CALN1: variants seen among roughly 807,000 people sequenced by gnomAD.
CALN1 encodes the protein calcium-binding protein 8.
In CALN1, 17 loss-of-function variants were observed where a neutral mutation model predicts 30.6. The ratio of observed to expected loss-of-function variants is 0.56; its 90% confidence interval spans 0.38 to 0.83. CALN1 has a LOEUF of 0.83. CALN1 is among the 40% of genes least tolerant of loss of function. The pLI, the probability that CALN1 is intolerant of heterozygous loss-of-function variation, is 0.00. For missense variants in CALN1, 291 were observed against 354.9 expected, an observed-to-expected ratio of 0.82 and a Z score of 1.45; for synonymous variants, 156 against 131.4, an observed-to-expected ratio of 1.19 and a Z score of -1.28.
intron 2 of CALN1, among the ~76,000 whole-genome samples, chr7:72,324,669 C>T (rs1231524673): frequency 6.6e-6 from 1 of 151,988 alleles, no homozygotes; most frequent in African/African-American, 2.4e-5. Context: ...GCAACCTCCG[C>T]CTCCCGGGTT....
At chr7:72,496,367 A>C in the CALN1 span, among the ~76,000 whole-genome samples, 13 of 149,068 alleles carry the variant, frequency 8.7e-5, no homozygotes, top group Non-Finnish European at 1.8e-4. Context: ...AATGGGGGAT[A>C]GTTTGTATCA....
intron 5 of CALN1, among the ~76,000 whole-genome samples, chr7:72,012,492 C>A (rs1189452948): frequency 6.6e-6 from 1 of 152,198 alleles, no homozygotes; most frequent in Non-Finnish European, 1.5e-5. Context: ...AGCCTGGCAA[C>A]AGAGTGAGAC....
intron 5 of CALN1, among the ~76,000 whole-genome samples, chr7:71,971,953 A>AAAAAAAGAAAG (rs1797839188): frequency 1.4e-5 from 1 of 72,836 alleles, no homozygotes; most frequent in African/African-American, 7.0e-5. Context: ...AAAAAAAAAA[A>AAAAAAAGAAAG]AAAGAAAGAA....
chr7:72,373,857 T>C (rs891771375), intron 2 of CALN1, among the ~76,000 whole-genome samples: 1 of 152,144 alleles, frequency 6.6e-6, no homozygotes, highest in Non-Finnish European at 1.5e-5. Flanking sequence ...AAAAACATCT[T>C]GAAAGTAAAC....
At chr7:71,929,572 A>G (rs1433116510) in intron 5 of CALN1, among the ~76,000 whole-genome samples, 1 of 152,120 alleles carries the variant, frequency 6.6e-6, no homozygotes, top group East Asian at 1.9e-4. Context: ...CGTCCTTGCT[A>G]TTGTGAATCA....
chr7:72,069,531 C>T (rs921152296), intron 4 of CALN1, among the ~76,000 whole-genome samples: 2 of 152,086 alleles, frequency 1.3e-5, no homozygotes, highest in African/African-American at 4.8e-5. Context: ...TGGTTTCTGG[C>T]TACACCACTC....
At chr7:72,032,748 G>A (rs1025500302) in intron 4 of CALN1, among the ~76,000 whole-genome samples, 2 of 152,194 alleles carry the variant, frequency 1.3e-5, no homozygotes, top group African/African-American at 2.4e-5. Flanking sequence ...CAGGATCTTA[G>A]TAATTCTCTA....
chr7:72,120,197 T>G (rs569106746), intron 3 of CALN1, among the ~76,000 whole-genome samples: 10 of 152,236 alleles, frequency 6.6e-5, no homozygotes, highest in South Asian at 4.2e-4. Flanking sequence ...GAAAAAAAAA[T>G]TATCTATATT....
intron 3 of CALN1, among the ~76,000 whole-genome samples, chr7:72,174,633 AAAG>A (rs1183390958): frequency 2.0e-5 from 3 of 152,216 alleles, no homozygotes; most frequent in African/African-American, 7.2e-5. Context: ...ATGCTAAGAG[AAAG>A]AAGCCAGACA....
chr7:72,058,824 G>A (rs1284940271), intron 4 of CALN1, among the ~76,000 whole-genome samples: 2 of 152,106 alleles, frequency 1.3e-5, no homozygotes, highest in African/African-American at 4.8e-5. Flanking sequence ...CAGTGCAAAA[G>A]GACAGTGACG....
At chr7:72,158,438 C>A (rs938203828) in intron 3 of CALN1, among the ~76,000 whole-genome samples, 34 of 152,170 alleles carry the variant, frequency 2.2e-4, no homozygotes, top group African/African-American at 7.7e-4. Flanking sequence ...CTTCCCCACT[C>A]CACCTCTCCA....
chr7:71,869,397 A>G (rs1463709043), intron 5 of CALN1, among the ~76,000 whole-genome samples: 2 of 152,098 alleles, frequency 1.3e-5, no homozygotes, highest in African/African-American at 4.8e-5. Context: ...TTTTTAGTAG[A>G]AACGGTGTTT....
At chr7:72,075,987 G>T (rs561414318) in intron 4 of CALN1, among the ~76,000 whole-genome samples, 1 of 152,234 alleles carries the variant, frequency 6.6e-6, no homozygotes, top group East Asian at 1.9e-4. Context: ...GGAGAGGAAG[G>T]ATAAAGCCCA....
intron 2 of CALN1, among the ~76,000 whole-genome samples, chr7:72,387,036 AAAGTTC>A (rs1805248866): frequency 6.6e-6 from 1 of 151,714 alleles, no homozygotes; most frequent in South Asian, 2.1e-4. Context: ...TGCCAGAAAG[AAAGTTC>A]TCAAAACACA....
intron 3 of CALN1, among the ~76,000 whole-genome samples, chr7:72,214,982 A>G (rs1792672268): frequency 6.6e-6 from 1 of 151,908 alleles, no homozygotes; most frequent in African/African-American, 2.4e-5. Flanking sequence ...CTGATTCTAC[A>G]TGATGATGAG....
chr7:72,025,606 C>A (rs1801004216), intron 4 of CALN1, among the ~76,000 whole-genome samples: 1 of 152,106 alleles, frequency 6.6e-6, no homozygotes, highest in Non-Finnish European at 1.5e-5. Context: ...CAAGAGCGAA[C>A]CTTCAAGGCA....
intron 3 of CALN1, among the ~76,000 whole-genome samples, chr7:72,168,891 C>T (rs187340685): frequency 1.3e-4 from 19 of 151,030 alleles, no homozygotes; most frequent in South Asian, 6.3e-4. Flanking sequence ...TTGCAACCTC[C>T]GCCTCCCAGG....
chr7:72,473,459 C>T, the CALN1 span, among the ~76,000 whole-genome samples: 31 of 152,228 alleles, frequency 2.0e-4, no homozygotes, highest in Non-Finnish European at 3.5e-4. Flanking sequence ...CCATAACTCC[C>T]TCTTCAACGA....
At position 71,785,884 on chromosome 7, in the gene CALN1, G is replaced by C. The variant is rs949555267; in HGVS notation, c.*1891C>G. The C allele has an allele frequency of 6.5e-6, 1 of 152,864 alleles. No individual in the cohort carries two copies. The highest frequency in any genetic ancestry group is 6.5e-5 in the Admixed American group (1 of 15,286). The allele number at this position is 152,864 out of a possible 1,614,324, so 9.5% of individuals were successfully genotyped here. On this transcript the variant is annotated 3_prime_UTR_variant, in exon 7 of 7. Transcript: ENST00000395275. ...GGAAAGGCAGGTTGCTGCCTCCTTG[G>C]TCTGGCCTTGCTGGGCTGAACTCCA...
Sources: gnomAD v4.1 joint callset for allele counts (sites outside exome capture counted in the v4.1 genomes callset) on GRCh38, gnomAD v4.1.1 for gene constraint, MANE v1.5 for transcripts, NCBI Gene and HGNC (gene_info 2026-07-23, HGNC 2026-07-21) for gene names.